Variants in SPECC1 observed in about 807,000 individuals in gnomAD.
The protein encoded by SPECC1 is sperm antigen with calponin homology and coiled-coil domains 1.
In SPECC1, 62 loss-of-function variants were observed where a neutral mutation model predicts 104.1. That is an observed-to-expected ratio of 0.60 (90% CI 0.49 to 0.74). SPECC1 has a LOEUF of 0.74. Among genes scored for constraint, SPECC1 ranks in the 30% least tolerant of loss-of-function variants. SPECC1 has a pLI of 0.00. For missense variants in SPECC1, 1,306 were observed against 1,310.5 expected (o/e 1.00, Z 0.05); for synonymous variants, 513 against 501.6 (o/e 1.02, Z -0.30).
Position 20,205,646 on chromosome 17 carries a change from A to G in SPECC1, c.1597A>G (p.Met533Val), listed in dbSNP as rs757246206. 1 of 1,614,214 alleles carries G rather than the reference A, an allele frequency of 6.2e-7. No homozygotes were observed. The highest frequency in any genetic ancestry group is 8.5e-7 in the Non-Finnish European group (1 of 1,180,032). ...ACTGGAACGGCATAATAATAACATG[A>G]TGGCCAAAACTTTGGAAGAGTGTAG... ...LELERHNNNM[M>V]AKTLEECRVT... The change falls in exon 4 of 15, where the codon ATG (methionine) becomes GTG (valine). Residue 533 changes from methionine to valine, a missense_variant. Around this residue, in one of 2 missense-constraint regions of SPECC1, gnomAD observed 1,177 missense variants for 1,139.9 expected, o/e 1.03. Transcript: ENST00000395527.
Position 20,096,804 on chromosome 17 carries a change from G to A in SPECC1, c.147+6G>A, listed in dbSNP as rs200553988. 1.8e-5 allele frequency: 29 copies of A among 1,611,062 alleles called. No individual in the cohort carries two copies. Among genetic ancestry groups the A allele is most frequent in the Non-Finnish European group, 2.5e-5 (29 of 1,177,944 alleles). ...TTGAGTCCCGACTCAGCAGGGTATGGATCAAAATGCACAGGGCCAGGCAGA... is the reference window on the plus strand; with the variant it reads ...TTGAGTCCCGACTCAGCAGGGTATGAATCAAAATGCACAGGGCCAGGCAGA... On this transcript the variant is annotated splice_donor_region_variant and intron_variant, in intron 2 of 14. Coordinates refer to ENST00000395527, the MANE Select transcript of SPECC1 (RefSeq NM_001243439.2).
At chr17:20,174,956 A>T (rs974237757) in intron 3 of SPECC1, among the ~76,000 whole-genome samples, 2 of 152,082 alleles carry the variant, frequency 1.3e-5, no homozygotes, top group Admixed American at 6.5e-5. Flanking sequence ...TTTCAAAAAA[A>T]ATCTTAACCT....
At chr17:20,167,705 AATAATCCTGAATCCAGATGGTGTT>A (rs1420823892) in intron 3 of SPECC1, among the ~76,000 whole-genome samples, 4 of 152,134 alleles carry the variant, frequency 2.6e-5, no homozygotes, top group African/African-American at 4.8e-5. Context: ...TACCTCCTCA[AATAATCCTGAATCCAGATGGTGTT>A]ATAGGTAAAG....
chr17:20,044,007 T>A (rs1487080418), intron 1 of SPECC1, among the ~76,000 whole-genome samples: 1 of 152,154 alleles, frequency 6.6e-6, no homozygotes, highest in East Asian at 1.9e-4. Context: ...TAGCACTGTT[T>A]CTGGAACAGA....
chr17:20,158,455 A>G (rs957393034), intron 3 of SPECC1, among the ~76,000 whole-genome samples: 2 of 152,238 alleles, frequency 1.3e-5, no homozygotes, highest in African/African-American at 2.4e-5. Flanking sequence ...CCCAACACCT[A>G]TGAAAGGGAA....
intron 12 of SPECC1, among the ~76,000 whole-genome samples, chr17:20,295,725 G>A (rs2041327757): frequency 6.6e-6 from 1 of 152,184 alleles, no homozygotes; most frequent in Non-Finnish European, 1.5e-5. Flanking sequence ...ACTGGTGTGA[G>A]ATGGTATCTC....
intron 3 of SPECC1, chr17:20,112,124 C>A: frequency 1.3e-6 from 1 of 763,828 alleles, no homozygotes; most frequent in Non-Finnish European, 2.4e-6. Context: ...CGGTACTTTA[C>A]AACCACACAG....
chr17:20,197,934 TC>T (rs1297108697), intron 3 of SPECC1, among the ~76,000 whole-genome samples: 2 of 152,120 alleles, frequency 1.3e-5, no homozygotes, highest in African/African-American at 2.4e-5. Flanking sequence ...TACTGATTTT[TC>T]CCCCCATTCA....
chr17:20,169,912 C>T (rs1329632924), intron 3 of SPECC1, among the ~76,000 whole-genome samples: 1 of 152,220 alleles, frequency 6.6e-6, no homozygotes, highest in African/African-American at 2.4e-5. Context: ...TTCTATTTTA[C>T]TTACAAAAAT....
At chr17:20,284,178 C>G (rs972456054) in intron 12 of SPECC1, among the ~76,000 whole-genome samples, 3 of 152,154 alleles carry the variant, frequency 2.0e-5, no homozygotes, top group African/African-American at 7.2e-5. Flanking sequence ...AAGGGAAACT[C>G]CTGCAGTGAT....
chr17:20,230,258 C>T (rs146541503), intron 5 of SPECC1, among the ~76,000 whole-genome samples: 2 of 152,322 alleles, frequency 1.3e-5, no homozygotes, highest in African/African-American at 4.8e-5. Flanking sequence ...TGGCAACTCT[C>T]TGCAACTACC....
At chr17:20,038,494 T>C (rs1567806740) in intron 1 of SPECC1, among the ~76,000 whole-genome samples, 1 of 150,554 alleles carries the variant, frequency 6.6e-6, no homozygotes, top group Non-Finnish European at 1.5e-5. Context: ...CTGCTGCCTG[T>C]GTTCAAGCGA....
chr17:20,110,092 C>T (rs1261208653), intron 2 of SPECC1, among the ~76,000 whole-genome samples: 1 of 152,162 alleles, frequency 6.6e-6, no homozygotes, highest in African/African-American at 2.4e-5. Context: ...CCACCTCAGC[C>T]TCCCAAAGTT....
At chr17:20,152,231 C>T (rs893688777) in intron 3 of SPECC1, among the ~76,000 whole-genome samples, 1 of 152,102 alleles carries the variant, frequency 6.6e-6, no homozygotes, top group Admixed American at 6.6e-5. Flanking sequence ...ACCCAGGAGG[C>T]GGAGATTGCA....
intron 1 of SPECC1, among the ~76,000 whole-genome samples, chr17:20,092,392 G>A (rs529691255): frequency 6.6e-6 from 1 of 151,996 alleles, no homozygotes; most frequent in Admixed American, 6.6e-5. Flanking sequence ...ATAAGAAAAC[G>A]ATTACTCAGC....
intron 3 of SPECC1, among the ~76,000 whole-genome samples, chr17:20,127,017 C>G (rs2049345033): frequency 6.6e-6 from 1 of 152,206 alleles, no homozygotes; most frequent in African/African-American, 2.4e-5. Context: ...ATCTCTGATT[C>G]TTGTGATCAC....
intron 7 of SPECC1, among the ~76,000 whole-genome samples, chr17:20,240,764 A>G (rs984688243): frequency 2.0e-5 from 3 of 152,228 alleles, no homozygotes; most frequent in African/African-American, 7.2e-5. Flanking sequence ...GCTTTAAAAT[A>G]TTCATAGATT....
At chr17:20,290,584 T>C (rs1281553496) in intron 12 of SPECC1, among the ~76,000 whole-genome samples, 2 of 152,140 alleles carry the variant, frequency 1.3e-5, no homozygotes, top group Non-Finnish European at 2.9e-5. Context: ...GCATGATCTC[T>C]GCTCACTGAA....
At chr17:20,113,266 A>G (rs2048584654) in intron 3 of SPECC1, among the ~76,000 whole-genome samples, 2 of 152,092 alleles carry the variant, frequency 1.3e-5, no homozygotes, top group Admixed American at 1.3e-4. Context: ...TGGTTTTATG[A>G]CCAGGAATAG....
Sources: allele counts gnomAD v4.1 joint callset (sites outside exome capture counted in the v4.1 genomes callset), GRCh38; gene constraint gnomAD v4.1.1; regional missense constraint gnomAD v4.1.1; transcripts MANE v1.5; gene names NCBI Gene and HGNC (gene_info 2026-07-23, HGNC 2026-07-21).